Variants in RNF31 observed in about 807,000 individuals in gnomAD.
RNF31 encodes ring finger protein 31, also known as E3 ubiquitin-protein ligase RNF31.
In RNF31, 38 loss-of-function variants were observed where a neutral mutation model predicts 133.6. The observed-to-expected ratio is 0.28, with a 90% CI of 0.22 to 0.37. RNF31 has a LOEUF of 0.37. RNF31 is among the 10% of genes least tolerant of loss of function. The pLI, the probability that RNF31 is intolerant of heterozygous loss-of-function variation, is 1.00. For missense variants in RNF31, 1,118 were observed against 1,394.1 expected, an observed-to-expected ratio of 0.80 and a Z score of 3.15; for synonymous variants, 582 against 552.3, an observed-to-expected ratio of 1.05 and a Z score of -0.75.
rs375180853 is a variant in RNF31 at position 24,160,590 on chromosome 14, C to T, written c.*17C>T. On this transcript the variant is annotated 3_prime_UTR_variant, in exon 21 of 21. Transcript: ENST00000324103. This position sits in a 1 kb window ranked among gnomAD's most constrained non-coding sequence, Gnocchi z 4.0. ...CGGAAGTAGCTGAGGGCAAGGGTCC[C>T]GATGAGGGTCCCATGGCCTGCTCCC... 5.3e-6 allele frequency: 8 copies of T among 1,513,468 alleles called. No individual in the cohort carries two copies. The highest frequency in any genetic ancestry group is 2.8e-5 in the African/African-American group (2 of 71,722). The allele number at this position is 1,513,468 out of a possible 1,614,324, so 93.8% of individuals were successfully genotyped here. A position where few individuals can be genotyped will look rare whatever the true frequency, so the allele number is the denominator to read the frequency against.
At chr14:24,152,394 C>G (rs760134708) in intron 11 of RNF31, among the ~76,000 whole-genome samples, 9 of 150,120 alleles carry the variant, frequency 6.0e-5, no homozygotes, top group Non-Finnish European at 1.2e-4. Flanking sequence ...CCGTATATAT[C>G]TCTAAAATGT....
intron 5 of RNF31, 56 bp downstream of exon 5, chr14:24,148,932 G>T (rs533138596): frequency 1.8e-5 from 25 of 1,400,332 alleles, no homozygotes; most frequent in Non-Finnish European, 2.5e-5. Context: ...TGGAAATTTG[G>T]GATGCTCCTC....
rs777147838 is a variant in RNF31, at chr14:24,152,003, C to G, written c.2130+11C>G. On this transcript the variant is annotated intron_variant, in intron 11 of 20. Transcript: ENST00000324103. ...CTGCCCCACAACCGGGTAAGTCCCT[C>G]CCCACGATACCTGGTCCAAGAATTA... The G allele has an allele frequency of 7.4e-6, 12 of 1,611,868 alleles. No homozygotes were observed. Among genetic ancestry groups the G allele is most frequent in the Admixed American group, 6.7e-5 (4 of 59,844 alleles).
intron 14 of RNF31, among the ~76,000 whole-genome samples, chr14:24,156,435 C>G (rs901392490): frequency 6.6e-6 from 1 of 152,212 alleles, no homozygotes; most frequent in Non-Finnish European, 1.5e-5. Context: ...TTCCAAAGTA[C>G]TGGGATTACA....
chr14:24,152,896 G>A (rs941610409), intron 11 of RNF31, among the ~76,000 whole-genome samples: 5 of 151,538 alleles, frequency 3.3e-5, no homozygotes, highest in African/African-American at 9.7e-5. Context: ...CCTGGCTGAC[G>A]CAGTGAAACC....
chr14:24,157,261 C>G, intron 14 of RNF31, 29 bp from the exon 15 acceptor site: 1 of 1,550,870 alleles, frequency 6.4e-7, no homozygotes, highest in Non-Finnish European at 8.8e-7. Flanking sequence ...GATAGAGCTC[C>G]CATGTGAAGC....
chr14:24,151,869 A>C lies in RNF31; in HGVS notation c.2007A>C (p.Thr669=). The C allele has an allele frequency of 6.2e-7, 1 of 1,614,150 alleles. No individual in the cohort carries two copies. The highest frequency in any genetic ancestry group is 1.3e-5 in the African/African-American group (1 of 75,050). ...TGGCACTGTCACTGCTGCAGGAGAC[A>C]CCCAGGAACTATGAGTTGGGGGATG... ...AELALSLLQE[T]PRNYELGDVV... The change falls in exon 11 of 21, where the codon ACA becomes ACC. Residue 669 remains threonine (T), a synonymous_variant. Transcript: ENST00000324103. The surrounding 1 kb of genome is among the most constrained non-coding windows in gnomAD (Gnocchi z 5.3).
At chr14:24,158,310 C>A in intron 18 of RNF31, 111 bp downstream of exon 18, 2 of 1,020,824 alleles carry the variant, frequency 2.0e-6, no homozygotes, top group South Asian at 1.4e-5. Flanking sequence ...TGCCCTTTGG[C>A]AAGTTAATTG....
In RNF31 at chr14:24,151,559, T is replaced by C. The variant is rs1229453383; in HGVS notation, c.1812T>C (p.Asp604=). ...AGGCATTGTTCCAGCACGGAGGTGA[T>C]GTGTCACGGGCCCTGACTGAGCTAC... is the stretch of plus-strand genomic sequence containing the variant. ...SLQALFQHGG[D]VSRALTELQR... The change falls in exon 10 of 21, where the codon GAT becomes GAC. Residue 604 remains aspartate (D), a synonymous_variant. Transcript: ENST00000324103. The surrounding 1 kb of genome is among the most constrained non-coding windows in gnomAD (Gnocchi z 5.3). The C allele has an allele frequency of 2.5e-6, 4 of 1,614,152 alleles. No individual in the cohort carries two copies. Among genetic ancestry groups the C allele is most frequent in the Non-Finnish European group, 2.5e-6 (3 of 1,180,028 alleles).
In RNF31 at chr14:24,159,584, CAAAAAAAAAAAA is replaced by C. The variant is rs59295225; in HGVS notation, c.2900-269_2900-258del. 2.3e-3 allele frequency among the ~76,000 whole-genome samples: 187 copies of C among 82,214 alleles called. 1 individual carries two copies. The highest frequency in any genetic ancestry group is 8.1e-3 in the African/African-American group (166 of 20,582). 53.9% of individuals were successfully genotyped at this position (82,214 alleles called of 152,430 possible). On this transcript the variant is annotated intron_variant, in intron 18 of 20. Transcript: ENST00000324103. ...AACTAGTCAAGAGATAAATAACAAC[CAAAAAAAAAAAA>C]AAAAAAAAAACACTATCTCAAGAGG...
rs372729032 is a variant in RNF31 at position 24,148,966 on chromosome 14, GTGTT to G, written c.631+100_631+103del. 364 of 1,174,926 alleles carry G rather than the reference GTGTT, an allele frequency of 3.1e-4. 1 individual carries two copies. The African/African-American group carries it at 5.2e-3, about 17-fold the overall frequency. 72.8% of individuals were successfully genotyped at this position (1,174,926 alleles called of 1,614,324 possible). On this transcript the variant is annotated intron_variant, in intron 5 of 20. Transcript: ENST00000324103. ...TCTGTCTTCTTGGTTATCTTCCTTT[GTGTT>G]TGTTTGTTTTGAGACGGAGTTTTGC...
Position 24,151,136 on chromosome 14 carries a change from G to T in RNF31, c.1494G>T (p.Gly498=). ...TGGGCGGGACTGTGCCTTAGGAAGG[G>T]GAAGCCGCAGGTGCCTGTCCAGAGG... ...GLQLVSMIRE[G]EAAGACPEEI... Residue 498 remains glycine (G), a synonymous_variant, in exon 9 of 21, where the codon GGG becomes GGT. Coordinates refer to ENST00000324103, the MANE Select transcript of RNF31 (RefSeq NM_017999.5). This position sits in a 1 kb window ranked among gnomAD's most constrained non-coding sequence, Gnocchi z 5.3. The T allele has an allele frequency of 6.2e-7, 1 of 1,613,778 alleles. No homozygotes were observed. Among genetic ancestry groups the T allele is most frequent in the Non-Finnish European group, 8.5e-7 (1 of 1,179,880 alleles).
At chr14:24,148,518 G>C in intron 3 of RNF31, 105 bp downstream of exon 3, 1 of 1,597,316 alleles carries the variant, frequency 6.3e-7, no homozygotes, top group Non-Finnish European at 8.6e-7. Context: ...TATGGGCATA[G>C]TTCAGCATTC....
rs1566615847 is a variant in RNF31, at chr14:24,155,358, A to G, written c.2304+28A>G. 6.2e-7 allele frequency: 1 copy of G among 1,614,018 alleles called. No individual in the cohort carries two copies. The highest frequency in any genetic ancestry group is 1.6e-4 in the Middle Eastern group (1 of 6,062). ...ACTGCAGCCCCTCTAGGACTCAGGT[A>G]CCCTGAGCTTTGAACAGGGACCCTC... On this transcript the variant is annotated intron_variant, in intron 12 of 20. Transcript: ENST00000324103. This position sits in a 1 kb window ranked among gnomAD's most constrained non-coding sequence, Gnocchi z 4.9.
Position 24,151,395 on chromosome 14 carries a change from G to C in RNF31, c.1737+16G>C. 2 of 1,614,134 alleles carry C rather than the reference G, an allele frequency of 1.2e-6. No homozygotes were observed. Among genetic ancestry groups the C allele is most frequent in the South Asian group, 2.2e-5 (2 of 91,082 alleles). Reference sequence around the variant, plus strand: ...GCGAAGGAAGGTATCAGCTGTGCTGGATATGGGATAGGGTCGAGAGTCTGC... The same window carrying C: ...GCGAAGGAAGGTATCAGCTGTGCTGCATATGGGATAGGGTCGAGAGTCTGC... On this transcript the variant is annotated intron_variant, in intron 9 of 20. Transcript: ENST00000324103. This position sits in a 1 kb window ranked among gnomAD's most constrained non-coding sequence, Gnocchi z 5.3.
rs1489981198 is a variant in RNF31, at chr14:24,160,510, C to T, written c.3166-10C>T. 2 of 1,554,774 alleles carry T rather than the reference C, an allele frequency of 1.3e-6. No individual in the cohort carries two copies. The highest frequency in any genetic ancestry group is 8.7e-7 in the Non-Finnish European group (1 of 1,147,072). On this transcript the variant is annotated splice_polypyrimidine_tract_variant and intron_variant, in intron 20 of 20. Coordinates refer to ENST00000324103, the MANE Select transcript of RNF31 (RefSeq NM_017999.5). This position sits in a 1 kb window ranked among gnomAD's most constrained non-coding sequence, Gnocchi z 4.0. ...CTTCCAATATCATTACCTTCTCTCT[C>T]CTTCTGCAGAAGCTGACAGAAGAGG...
intron 6 of RNF31, 24 bp from the exon 7 acceptor site, chr14:24,150,037 G>T: frequency 6.5e-7 from 1 of 1,534,418 alleles, no homozygotes; most frequent in Non-Finnish European, 8.8e-7. Flanking sequence ...ACTTCAGCAG[G>T]CCATGTCTGC....
intron 18 of RNF31, 36 bp from the exon 19 acceptor site, chr14:24,159,828 C>G: frequency 1.3e-6 from 2 of 1,560,270 alleles, no homozygotes; most frequent in Non-Finnish European, 1.8e-6. Flanking sequence ...GGTCATTGGC[C>G]TCCCAACAGA....
At chr14:24,159,584 C>CAAAAAAAAAA in intron 18 of RNF31, among the ~76,000 whole-genome samples, 1 of 82,214 alleles carries the variant, frequency 1.2e-5, no homozygotes, top group Non-Finnish European at 2.5e-5. Flanking sequence ...AAATAACAAC[C>CAAAAAAAAAA]AAAAAAAAAA....
Sources: allele counts gnomAD v4.1 joint callset (sites outside exome capture counted in the v4.1 genomes callset), GRCh38; gene constraint gnomAD v4.1.1; non-coding constraint Gnocchi (gnomAD v3.1); transcripts MANE v1.5; gene names NCBI Gene and HGNC (gene_info 2026-07-23, HGNC 2026-07-21).